PCDH11X: variants seen among roughly 807,000 people sequenced by gnomAD.
PCDH11X encodes the protein protocadherin-11 X-linked.
PCDH11X carries 18 observed loss-of-function variants against 53.3 expected under a neutral mutation model. The ratio of observed to expected loss-of-function variants is 0.34; its 90% CI spans 0.23 to 0.50. PCDH11X has a LOEUF of 0.50. Ranked by LOEUF, PCDH11X falls within the 20% of genes least tolerant of loss-of-function variation. The pLI, the probability that PCDH11X is intolerant of heterozygous loss-of-function variation, is 0.98. For synonymous variants in PCDH11X, 279 were observed against 393.3 expected (o/e 0.71, Z 3.44); for missense variants, 570 against 1,032.4 (o/e 0.55, Z 6.14).
chrX:92,412,540 T>G (rs12389330), intron 9 of PCDH11X, among the ~76,000 whole-genome samples: 44,159 of 87,426 alleles, frequency 0.51, 8,584 homozygotes, highest in East Asian at 0.71. Flanking sequence ...TATATATATA[T>G]ATATATATAT....
At chrX:91,980,740 C>CTGGAGA (rs1342989320) in intron 6 of PCDH11X, among the ~76,000 whole-genome samples, 1 of 108,215 alleles carries the variant, frequency 9.2e-6, no homozygotes, top group African/African-American at 3.4e-5. Context: ...CAGCCCCAAA[C>CTGGAGA]TGGAGATCTG....
intron 9 of PCDH11X, among the ~76,000 whole-genome samples, chrX:92,406,196 A>G (rs2071510517): frequency 9.1e-6 from 1 of 109,913 alleles, no homozygotes; most frequent in Non-Finnish European, 1.9e-5. Flanking sequence ...AAAATTATTA[A>G]CCAAGTGAGT....
intron 10 of PCDH11X, among the ~76,000 whole-genome samples, chrX:92,527,837 G>T (rs1307512148): frequency 2.7e-5 from 3 of 109,818 alleles, no homozygotes; most frequent in African/African-American, 1.0e-4. Context: ...ATTTTACTTT[G>T]CTGACCCCAG....
chrX:91,914,142 G>A (rs1941478276), intron 6 of PCDH11X, among the ~76,000 whole-genome samples: 1 of 110,809 alleles, frequency 9.0e-6, no homozygotes, highest in African/African-American at 3.3e-5. Context: ...GCTAGACTCA[G>A]AAGAGCAATA....
intron 4 of PCDH11X, among the ~76,000 whole-genome samples, chrX:91,830,628 G>C (rs1937072806): frequency 9.0e-6 from 1 of 110,603 alleles, no homozygotes; most frequent in Non-Finnish European, 1.9e-5. Flanking sequence ...TGTTTACCCA[G>C]GCTGTGAAAG....
chrX:92,285,227 T>C (rs937384747), intron 8 of PCDH11X, among the ~76,000 whole-genome samples: 5 of 104,731 alleles, frequency 4.8e-5, no homozygotes, highest in Non-Finnish European at 9.8e-5. Flanking sequence ...AGAGTATGGA[T>C]TTTCTGTTAG....
intron 8 of PCDH11X, among the ~76,000 whole-genome samples, chrX:92,370,737 C>T (rs1453591263): frequency 1.8e-5 from 2 of 111,697 alleles, no homozygotes; most frequent in Admixed American, 9.5e-5. Flanking sequence ...GGATTACAGG[C>T]GTGAGCCACT....
intron 9 of PCDH11X, among the ~76,000 whole-genome samples, chrX:92,462,992 A>T (rs2073084060): frequency 9.0e-6 from 1 of 110,694 alleles, no homozygotes; most frequent in South Asian, 3.8e-4. Flanking sequence ...TTTCTGTAAG[A>T]TGTCCAGTTC....
intron 8 of PCDH11X, among the ~76,000 whole-genome samples, chrX:92,372,719 A>G (rs757550974): frequency 9.0e-6 from 1 of 111,035 alleles, no homozygotes; most frequent in South Asian, 3.8e-4. Flanking sequence ...TTTAATAATT[A>G]GCTTATCAAT....
At chrX:92,145,295 T>C (rs1173145942) in intron 6 of PCDH11X, among the ~76,000 whole-genome samples, 3 of 111,680 alleles carry the variant, frequency 2.7e-5, no homozygotes, top group African/African-American at 9.8e-5. Context: ...TGGTGAATAT[T>C]TATGAGCCCA....
intron 9 of PCDH11X, among the ~76,000 whole-genome samples, chrX:92,434,206 G>A (rs1444989550): frequency 9.1e-6 from 1 of 109,412 alleles, no homozygotes; most frequent in African/African-American, 3.4e-5. Flanking sequence ...AGTGTGCAAA[G>A]ACTTTTGCCA....
rs1427021179 is a variant in PCDH11X at position 92,424,794 on chromosome X, G to C, written c.3343+36861G>C. On this transcript the variant is annotated intron_variant, in intron 9 of 10. Transcript: ENST00000682573. The stretch of plus-strand genomic sequence containing the variant: ...CTGCCTTCCTTTTGTTTACCTTTCA[G>C]AGTCCTCGGGTAGTTGCCTTTTGTA... 5.2e-5 allele frequency among the ~76,000 whole-genome samples: 5 copies of C among 97,063 alleles called. 1 individual carries two copies. The highest frequency in any genetic ancestry group is 1.1e-4 in the Non-Finnish European group (5 of 43,911). The allele number at this position is 97,063 out of a possible 115,157, so 84.3% of individuals were successfully genotyped here.
intron 9 of PCDH11X, among the ~76,000 whole-genome samples, chrX:92,392,369 C>T (rs1257228175): frequency 2.0e-5 from 2 of 98,382 alleles, no homozygotes; most frequent in Non-Finnish European, 4.3e-5. Context: ...ATTTTTATTT[C>T]AGTAGATCAG....
chrX:91,812,920 C>T (rs1190262121), intron 4 of PCDH11X, among the ~76,000 whole-genome samples: 1 of 111,790 alleles, frequency 8.9e-6, no homozygotes, highest in Non-Finnish European at 1.9e-5. Context: ...ATGAATAAAA[C>T]AGTCTGTAGC....
chrX:92,261,342 C>A (rs1183655566), intron 7 of PCDH11X, among the ~76,000 whole-genome samples: 2 of 111,516 alleles, frequency 1.8e-5, no homozygotes, highest in Admixed American at 1.9e-4. Context: ...ATAAACAATT[C>A]TCTTAATGAA....
At chrX:91,860,408 G>T (rs958474359) in intron 5 of PCDH11X, among the ~76,000 whole-genome samples, 1 of 106,308 alleles carries the variant, frequency 9.4e-6, no homozygotes, top group African/African-American at 3.4e-5. Context: ...CATCTCATCT[G>T]CAAAGACAAT....
At chrX:91,848,202 T>C (rs1326629692) in intron 5 of PCDH11X, among the ~76,000 whole-genome samples, 1 of 98,567 alleles carries the variant, frequency 1.0e-5, no homozygotes, top group Non-Finnish European at 2.2e-5. Flanking sequence ...AATTTTTTTT[T>C]TGTTTTTTTT....
intron 6 of PCDH11X, among the ~76,000 whole-genome samples, chrX:91,930,471 GA>G (rs755108314): frequency 0.017 from 997 of 57,819 alleles, 7 homozygotes; most frequent in Middle Eastern, 0.068. Flanking sequence ...AAGAGTAAGA[GA>G]AAAAAAAAAA....
At chrX:92,239,525 A>G (rs181102247) in intron 7 of PCDH11X, among the ~76,000 whole-genome samples, 19 of 111,639 alleles carry the variant, frequency 1.7e-4, no homozygotes, top group Non-Finnish European at 3.0e-4. Flanking sequence ...TGTAAATGAA[A>G]TGATAACTTT....
Sources: gnomAD v4.1 joint callset for allele counts (sites outside exome capture counted in the v4.1 genomes callset) on GRCh38, gnomAD v4.1.1 for gene constraint, MANE v1.5 for transcripts, NCBI Gene and HGNC (gene_info 2026-07-23, HGNC 2026-07-21) for gene names.